SUMF2: variants seen among roughly 807,000 people sequenced by gnomAD.
The protein encoded by SUMF2 is sulfatase modifying factor 2.
In SUMF2, 45 loss-of-function variants were observed where a neutral mutation model predicts 44.8. The ratio of observed to expected loss-of-function variants is 1.00; its 90% CI spans 0.79 to 1.29. The LOEUF is 1.29. Ranked by LOEUF, SUMF2 falls within the 50% of genes most tolerant of loss-of-function variation. The pLI, the probability that SUMF2 is intolerant of heterozygous loss-of-function variation, is 0.00. For missense variants in SUMF2, 418 were observed against 389.9 expected, an observed-to-expected ratio of 1.07 and a Z score of -0.61; for synonymous variants, 148 against 150.4, an observed-to-expected ratio of 0.98 and a Z score of 0.12.
At chr7:56,082,931 C>A (rs373396730), downstream of SUMF2, among the ~76,000 whole-genome samples, 36 of 152,150 alleles carry the variant, frequency 2.4e-4, no homozygotes, top group African/African-American at 8.2e-4. Context: ...CATGGTGAAA[C>A]CCTGTCTCTA....
At chr7:56,072,286 C>T (rs1380831202) in intron 2 of SUMF2, among the ~76,000 whole-genome samples, 2 of 151,176 alleles carry the variant, frequency 1.3e-5, no homozygotes, top group African/African-American at 4.9e-5. Flanking sequence ...ATTAGCTGGG[C>T]GTGGTGGTAT....
chr7:56,081,490 T>C, downstream of SUMF2: 1 of 1,257,298 alleles, frequency 8.0e-7, no homozygotes. This position sits in a 1 kb window ranked among gnomAD's most constrained non-coding sequence, Gnocchi z 4.6. Flanking sequence ...ACCTGCCGTC[T>C]TTGAAGCCAT....
downstream of SUMF2, chr7:56,080,974 C>A (rs577351430): frequency 6.6e-7 from 1 of 1,522,638 alleles, no homozygotes; most frequent in African/African-American, 1.4e-5. Flanking sequence ...GAGGCCTGCA[C>A]GCATCTCACC....
chr7:56,073,072 C>T lies in SUMF2; in HGVS notation c.300C>T (p.Val100=), dbSNP rs1416442583. The part of the protein sequence containing the change: ...FGWSFVFEDF[V]SDELRNKATQ... ...GGAGCTTTGTCTTTGAGGACTTTGT[C>T]TCTGATGAGCTGAGAAACAAAGCCA... The change falls in exon 3 of 9, where the codon GTC becomes GTT. Residue 100 remains valine, a synonymous_variant. Transcript: ENST00000434526. The T allele has an allele frequency of 5.1e-5, 83 of 1,613,956 alleles. No individual in the cohort carries two copies. The highest frequency in any genetic ancestry group is 6.9e-5 in the Non-Finnish European group (82 of 1,180,036).
chr7:56,081,310 A>C, downstream of SUMF2: 1 of 1,599,770 alleles, frequency 6.3e-7, no homozygotes, highest in Non-Finnish European at 8.5e-7. This position sits in a 1 kb window ranked among gnomAD's most constrained non-coding sequence, Gnocchi z 4.6. Context: ...CTGCAGGGCC[A>C]GGCGGAGAAG....
chr7:56,087,803 CGGGGGGCCCCTCACCCCATG>C, the SUMF2 span: 3 of 1,591,106 alleles, frequency 1.9e-6, no homozygotes, highest in Non-Finnish European at 2.6e-6. Context: ...CAGATGGCCT[CGGGGGGCCCCTCACCCCATG>C]GGGGGTCCCA....
At chr7:56,078,594 C>T (rs778837650) in intron 8 of SUMF2, 86 bp downstream of exon 8, 4 of 1,401,280 alleles carry the variant, frequency 2.9e-6, no homozygotes, top group Non-Finnish European at 3.8e-6. Flanking sequence ...CCTACCTTCA[C>T]ACCACCAACC....
chr7:56,071,366 ATAATT>A (rs1298750662), intron 2 of SUMF2, among the ~76,000 whole-genome samples: 1 of 152,094 alleles, frequency 6.6e-6, no homozygotes, highest in Non-Finnish European at 1.5e-5. Flanking sequence ...CAAAATATAA[ATAATT>A]AAAATAAATC....
intron 1 of SUMF2, among the ~76,000 whole-genome samples, chr7:56,066,086 A>G (rs1398214187): frequency 6.7e-6 from 1 of 149,726 alleles, no homozygotes; most frequent in Non-Finnish European, 1.5e-5. Flanking sequence ...GCCTCACAAA[A>G]AAAAAAAAAA....
chr7:56,068,436 T>C, intron 1 of SUMF2, 46 bp from the exon 2 acceptor site: 1 of 1,532,550 alleles, frequency 6.5e-7, no homozygotes, highest in African/African-American at 1.4e-5. Context: ...ACCACTTGTT[T>C]TATATATATG....
intron 3 of SUMF2, 150 bp from the exon 4 acceptor site, chr7:56,074,024 A>AAC: frequency 1.9e-6 from 1 of 539,302 alleles, no homozygotes; most frequent in Non-Finnish European, 3.2e-6. Flanking sequence ...CAAAAAAAAA[A>AAC]AAAAAAAAAA....
At chr7:56,069,171 T>C (rs1795006393) in intron 2 of SUMF2, among the ~76,000 whole-genome samples, 1 of 152,196 alleles carries the variant, frequency 6.6e-6, no homozygotes, top group East Asian at 1.9e-4. Flanking sequence ...CTCAAATCCC[T>C]GGGCTCTTGA....
rs922599820 is a variant in SUMF2 at position 56,073,648 on chromosome 7, G to GA, written c.340-515dup. The GA allele has an allele frequency of 8.7e-3, 1,301 of 149,610 alleles. 1 individual carries two copies. Among genetic ancestry groups the GA allele is most frequent in the South Asian group, 0.027 (163 of 6,076 alleles). 9.3% of individuals were successfully genotyped at this position (149,610 alleles called of 1,614,324 possible). A position where few individuals can be genotyped will look rare whatever the true frequency, so the allele number is the denominator to read the frequency against. On this transcript the variant is annotated intron_variant, in intron 3 of 8. Transcript: ENST00000434526. ...GACAGAGTGAGACTGTGTCTCAAAA[G>GA]AAAAAAAAAAAGAGAGATCACCTTG...
chr7:56,078,618 G>A (rs934890916), intron 8 of SUMF2, 110 bp downstream of exon 8: 31 of 1,287,260 alleles, frequency 2.4e-5, no homozygotes, highest in Non-Finnish European at 3.0e-5. Context: ...TGTGTGTGAT[G>A]AGCTGGTCCC....
At chr7:56,069,612 A>AT (rs958431578) in intron 2 of SUMF2, among the ~76,000 whole-genome samples, 9 of 151,748 alleles carry the variant, frequency 5.9e-5, no homozygotes, top group Admixed American at 2.0e-4. Flanking sequence ...TATTGTTATT[A>AT]TTTTTTTGAG....
chr7:56,078,818 G>C (rs1795760586), intron 8 of SUMF2: 2 of 435,008 alleles, frequency 4.6e-6, no homozygotes, highest in Non-Finnish European at 8.1e-6. Flanking sequence ...GGCAAAGGGA[G>C]GGAAGTAGAA....
At chr7:56,083,593 G>A, downstream of SUMF2, 6 of 1,506,676 alleles carry the variant, frequency 4.0e-6, no homozygotes, top group East Asian at 2.3e-5. Flanking sequence ...AGACCCCAGT[G>A]CCTGTGGCCC....
chr7:56,076,965 C>A lies in SUMF2; in HGVS notation c.591+76C>A, dbSNP rs368747532. On this transcript the variant is annotated intron_variant, in intron 6 of 8. Transcript: ENST00000434526. ...GGCTGGGCACTGTGTTGTTAGGCCG[C>A]GGCATCCAGAAGGCTTGGGTTCTAA... 5.6e-6 allele frequency: 8 copies of A among 1,428,226 alleles called. No homozygotes were observed. In the South Asian group the frequency reaches 7.9e-5, roughly 14 times the overall value. 88.5% of individuals were successfully genotyped at this position (1,428,226 alleles called of 1,614,324 possible).
intron 5 of SUMF2, among the ~76,000 whole-genome samples, chr7:56,075,418 C>T (rs527705151): frequency 1.3e-5 from 2 of 151,682 alleles, no homozygotes; most frequent in South Asian, 2.1e-4. Flanking sequence ...TGTTTGCGGC[C>T]GGGCGCAGTG....
Sources: allele counts gnomAD v4.1 joint callset (sites outside exome capture counted in the v4.1 genomes callset), GRCh38; gene constraint gnomAD v4.1.1; non-coding constraint Gnocchi (gnomAD v3.1); transcripts MANE v1.5; gene names NCBI Gene and HGNC (gene_info 2026-07-23, HGNC 2026-07-21).